Variants in ERC1 observed in about 807,000 individuals in gnomAD.
The protein encoded by ERC1 is ELKS/RAB6-interacting/CAST family member 1.
ERC1 carries 56 observed loss-of-function variants against 132.0 expected under a neutral mutation model. The observed-to-expected ratio is 0.42, with a 90% CI of 0.34 to 0.53. The LOEUF (loss-of-function observed/expected upper bound fraction) is 0.53. ERC1 is among the 20% of genes least tolerant of loss of function. ERC1 has a pLI of 0.03. For synonymous variants in ERC1, 478 were observed against 476.1 expected (o/e 1.00, Z -0.05); for missense variants, 1,202 against 1,349.9 (o/e 0.89, Z 1.72).
intron 13 of ERC1, among the ~76,000 whole-genome samples, chr12:1,241,355 A>C (rs1168135190): frequency 6.6e-6 from 1 of 152,290 alleles, no homozygotes; most frequent in Non-Finnish European, 1.5e-5. Context: ...AAATCTTTTC[A>C]TATCACCTCC....
intron 15 of ERC1, among the ~76,000 whole-genome samples, chr12:1,304,853 G>C (rs189051031): frequency 8.1e-5 from 11 of 135,368 alleles, no homozygotes; most frequent in African/African-American, 3.1e-4. Flanking sequence ...ACAGTGGCGT[G>C]ATCTCGGCTC....
chr12:1,448,832 T>C (rs2093363636), intron 18 of ERC1, among the ~76,000 whole-genome samples: 2 of 152,206 alleles, frequency 1.3e-5, no homozygotes, highest in Non-Finnish European at 2.9e-5. Flanking sequence ...GCCACCATCC[T>C]CCAGACCCCA....
At chr12:1,485,245 C>G (rs2094190627) in intron 18 of ERC1, among the ~76,000 whole-genome samples, 1 of 135,568 alleles carries the variant, frequency 7.4e-6, no homozygotes, top group Non-Finnish European at 1.5e-5. Flanking sequence ...CGCTCTGTCA[C>G]CCAGGCTGGA....
rs112019641 is a variant in ERC1 at position 1,473,506 on chromosome 12, C to T, written c.3214-16587C>T. 2.0e-5 allele frequency among the ~76,000 whole-genome samples: 3 copies of T among 151,844 alleles called. No individual in the cohort carries two copies. The South Asian group carries it at 6.3e-4, about 32-fold the overall frequency. ...GGAGCTGGGTGTGATGGTGCGCACCCGTAGTCCCGGCTACTCAGCGGTCTA... is the reference window on the plus strand; with the variant it reads ...GGAGCTGGGTGTGATGGTGCGCACCTGTAGTCCCGGCTACTCAGCGGTCTA... On this transcript the variant is annotated intron_variant, in intron 18 of 18. Transcript: ENST00000360905.
At chr12:1,314,537 C>A (rs1434714283) in intron 15 of ERC1, among the ~76,000 whole-genome samples, 2 of 152,166 alleles carry the variant, frequency 1.3e-5, no homozygotes, top group African/African-American at 4.8e-5. Flanking sequence ...TTTGACCCTG[C>A]AATTCTACTT....
Position 1,312,435 on chromosome 12 carries a change from C to T in ERC1, c.2780+22423C>T, listed in dbSNP as rs1480525017. ...GGAATGCAGTGGCGGGATCTCGGCT[C>T]ACTGCAACCACCTCCCGGGTTTGAG... is the stretch of plus-strand genomic sequence containing the variant. On this transcript the variant is annotated intron_variant, in intron 15 of 18. Coordinates refer to ENST00000360905, the MANE Select transcript of ERC1 (RefSeq NM_178040.4). 2.6e-5 allele frequency among the ~76,000 whole-genome samples: 4 copies of T among 152,034 alleles called. 1 individual carries two copies. The highest frequency in any genetic ancestry group is 5.9e-5 in the Non-Finnish European group (4 of 67,998).
chr12:1,353,015 CTTCTT>C (rs1292682012), intron 15 of ERC1, among the ~76,000 whole-genome samples: 10 of 145,742 alleles, frequency 6.9e-5, no homozygotes, highest in South Asian at 2.2e-4. Flanking sequence ...GCAATCAAGT[CTTCTT>C]TTCTTTTCTT....
Position 1,424,844 on chromosome 12 carries a change from TGATAGATA to T in ERC1, c.3024+16609_3024+16616del, listed in dbSNP as rs370289067. ...ATAGATAGATAGATAGATAGATAGA[TGATAGATA>T]GATAGATAGATCGATAGATAGATAG... On this transcript the variant is annotated intron_variant, in intron 17 of 18. Transcript: ENST00000360905. 3.1e-3 allele frequency among the ~76,000 whole-genome samples: 238 copies of T among 75,674 alleles called. 2 individuals are homozygous for T. Among genetic ancestry groups the T allele is most frequent in the African/African-American group, 0.011 (227 of 19,934 alleles). The allele number at this position is 75,674 out of a possible 152,430, so 49.6% of individuals were successfully genotyped here.
intron 15 of ERC1, among the ~76,000 whole-genome samples, chr12:1,343,219 A>G (rs1318370856): frequency 6.6e-6 from 1 of 152,212 alleles, no homozygotes; most frequent in Non-Finnish European, 1.5e-5. Flanking sequence ...AGGCATCATA[A>G]GCAAATGACC....
At chr12:1,332,385 T>A (rs2082936421) in intron 15 of ERC1, among the ~76,000 whole-genome samples, 1 of 152,354 alleles carries the variant, frequency 6.6e-6, no homozygotes, top group African/African-American at 2.4e-5. Context: ...TCCTACAGCC[T>A]TAGTTGTTAA....
chr12:1,330,703 G>C (rs529209029), intron 15 of ERC1, among the ~76,000 whole-genome samples: 1 of 152,024 alleles, frequency 6.6e-6, no homozygotes, highest in East Asian at 1.9e-4. Flanking sequence ...ATATCTTAAA[G>C]TTGAAGACTC....
chr12:1,266,640 A>G (rs1217206078), intron 14 of ERC1, among the ~76,000 whole-genome samples: 2 of 151,682 alleles, frequency 1.3e-5, no homozygotes, highest in Non-Finnish European at 2.9e-5. Context: ...CCTGACCTCA[A>G]GTGATCCGCC....
Position 1,197,232 on chromosome 12 carries a change from T to C in ERC1, c.2351+7180T>C, listed in dbSNP as rs139344859. Among the ~76,000 whole-genome samples, 669 of 152,094 alleles carry C rather than the reference T, an allele frequency of 4.4e-3. 5 individuals carry two copies. Among genetic ancestry groups the C allele is most frequent in the Admixed American group, 8.0e-3 (122 of 15,282 alleles). On this transcript the variant is annotated intron_variant, in intron 12 of 18. Coordinates refer to ENST00000360905, the MANE Select transcript of ERC1 (RefSeq NM_178040.4). ...CTGGCCTCAAGTGATCCGCCTGCCT[T>C]GGCCTCCCAAAGTGCTGGGGTTACA...
intron 7 of ERC1, among the ~76,000 whole-genome samples, chr12:1,122,217 ATCTCTATCTCTATCTCTATCTGTG>A (rs1947475473): frequency 2.6e-4 from 9 of 34,462 alleles, no homozygotes; most frequent in Admixed American, 5.9e-4. Context: ...CTCTATCTCT[ATCTCTATCTCTATCTCTATCTGTG>A]TCTCTATCTC....
At chr12:1,422,676 C>T (rs2092471318) in intron 17 of ERC1, among the ~76,000 whole-genome samples, 1 of 152,134 alleles carries the variant, frequency 6.6e-6, no homozygotes, top group Non-Finnish European at 1.5e-5. Context: ...ACAGTGATCT[C>T]TTTGATTACT....
At chr12:1,256,602 A>G (rs2076836926) in intron 13 of ERC1, among the ~76,000 whole-genome samples, 1 of 150,824 alleles carries the variant, frequency 6.6e-6, no homozygotes. Flanking sequence ...CTATTTATGA[A>G]TACGTTGGAT....
chr12:1,349,664 A>AAAAT (rs1413134498), intron 15 of ERC1, among the ~76,000 whole-genome samples: 5 of 151,654 alleles, frequency 3.3e-5, no homozygotes, highest in African/African-American at 1.2e-4. Flanking sequence ...ACCGTCTAAA[A>AAAAT]AAAAAAAAAA....
chr12:1,239,152 C>T (rs1345079936), intron 13 of ERC1, among the ~76,000 whole-genome samples: 1 of 152,166 alleles, frequency 6.6e-6, no homozygotes, highest in African/African-American at 2.4e-5. Context: ...ACTCTGTCAC[C>T]TAGGCCGGAG....
Position 1,058,775 on chromosome 12 carries a change from G to A in ERC1, c.670-24389G>A, listed in dbSNP as rs547423943. On this transcript the variant is annotated intron_variant, in intron 2 of 18. Transcript: ENST00000360905. ...ATGGATTGCATTGAATCTATAGTTTGCTTTGGAAAGTATGTTTTTTTTTTT... is the reference window on the plus strand; with the variant it reads ...ATGGATTGCATTGAATCTATAGTTTACTTTGGAAAGTATGTTTTTTTTTTT... 1.9e-4 allele frequency among the ~76,000 whole-genome samples: 25 copies of A among 133,400 alleles called. No homozygotes were observed. The East Asian group carries it at 5.2e-3, about 28-fold the overall frequency. The allele number at this position is 133,400 out of a possible 152,430, so 87.5% of individuals were successfully genotyped here. A position where few individuals can be genotyped will look rare whatever the true frequency, so the allele number is the denominator to read the frequency against.
Sources: gnomAD v4.1 joint callset for allele counts (sites outside exome capture counted in the v4.1 genomes callset) on GRCh38, gnomAD v4.1.1 for gene constraint, MANE v1.5 for transcripts, NCBI Gene and HGNC (gene_info 2026-07-23, HGNC 2026-07-21) for gene names.